The following FBRSL1 variants were observed in gnomAD, a reference collection of about 807,000 sequenced individuals.
The protein encoded by FBRSL1 is fibrosin-1-like protein.
Under a neutral mutation model 89.6 loss-of-function variants are expected in FBRSL1, and 51 were observed. The observed-to-expected ratio is 0.57, with a 90% CI of 0.45 to 0.72. The LOEUF (loss-of-function observed/expected upper bound fraction) is 0.72. FBRSL1 is among the 30% of genes least tolerant of loss of function. FBRSL1 has a pLI of 0.00. For synonymous variants in FBRSL1, 779 were observed against 681.1 expected, an observed-to-expected ratio of 1.14 and a Z score of -2.24; for missense variants, 1,618 against 1,451.8, an observed-to-expected ratio of 1.11 and a Z score of -1.86.
rs148754017 is a variant in FBRSL1, at chr12:132,548,863, C to T, written c.645+831C>T. On this transcript the variant is annotated intron_variant, in intron 5 of 18. Coordinates refer to ENST00000680143, the MANE Select transcript of FBRSL1 (RefSeq NM_001367871.1). ...GGGACGGCCCTGCAGAGGCCCGAGG[C>T]GGACTGCATGTGTGCGACGATTCTC... is the stretch of plus-strand genomic sequence containing the variant. Among the ~76,000 whole-genome samples, 275 of 152,314 alleles carry T rather than the reference C, an allele frequency of 1.8e-3. 1 individual carries two copies. Among genetic ancestry groups the T allele is most frequent in the African/African-American group, 6.1e-3 (255 of 41,576 alleles).
chr12:132,542,757 G>A (rs2037369488), intron 4 of FBRSL1, among the ~76,000 whole-genome samples: 1 of 152,260 alleles, frequency 6.6e-6, no homozygotes, highest in Non-Finnish European at 1.5e-5. Context: ...GGGACCCCTG[G>A]GAGCAGCAAC....
chr12:132,525,640 T>G, intron 2 of FBRSL1, 94 bp from the exon 3 acceptor site: 1 of 1,003,564 alleles, frequency 1.0e-6, no homozygotes, highest in Non-Finnish European at 1.5e-6. Flanking sequence ...GGTGCTGGGG[T>G]GCCGGGAGCA....
At chr12:132,582,950 G>A in intron 18 of FBRSL1, 21 bp from the exon 19 acceptor site, 1 of 1,392,362 alleles carries the variant, frequency 7.2e-7, no homozygotes, top group Non-Finnish European at 9.2e-7. Flanking sequence ...GGGAGTGACG[G>A]GTCCGCCCTG....
chr12:132,502,344 C>T (rs1165710785), intron 1 of FBRSL1, among the ~76,000 whole-genome samples: 1 of 152,236 alleles, frequency 6.6e-6, no homozygotes, highest in Admixed American at 6.5e-5. Flanking sequence ...CTGGTGCCAC[C>T]TCAGCCCTCC....
Position 132,584,064 on chromosome 12 carries a change from GA to G in FBRSL1, c.*287del, listed in dbSNP as rs1448002588. ...ATTTTTCTTAATTTTATGCTCTTTA[GA>G]CGTTTAAAAGAACCAAAAAAGAAAC... On this transcript the variant is annotated 3_prime_UTR_variant, in exon 19 of 19. Coordinates refer to ENST00000680143, the MANE Select transcript of FBRSL1 (RefSeq NM_001367871.1). 5.8e-6 allele frequency: 1 copy of G among 172,588 alleles called. No individual in the cohort carries two copies. The highest frequency in any genetic ancestry group is 1.2e-5 in the Non-Finnish European group (1 of 81,638). 10.7% of individuals were successfully genotyped at this position (172,588 alleles called of 1,614,324 possible). A position where few individuals can be genotyped will look rare whatever the true frequency, so the allele number is the denominator to read the frequency against.
In FBRSL1 at chr12:132,570,110, C is replaced by T. The variant is rs566934494; in HGVS notation, c.876C>T (p.Pro292=). Residue 292 remains proline, a synonymous_variant, in exon 7 of 19, where the codon CCC becomes CCT. Coordinates refer to ENST00000680143, the MANE Select transcript of FBRSL1 (RefSeq NM_001367871.1). ...ATCCCTTGGTGAAGAAGGAACCCCC[C>T]GCCCCGCACCGCCACACCCCGCAGC... ...RANPLVKKEP[P]APHRHTPQPP... is the part of the protein sequence containing the mutation. 1.7e-3 allele frequency: 2,552 copies of T among 1,479,002 alleles called. 8 individuals carry two copies. Among genetic ancestry groups the T allele is most frequent in the Non-Finnish European group, 2.1e-3 (2,332 of 1,122,374 alleles). The allele number at this position is 1,479,002 out of a possible 1,614,324, so 91.6% of individuals were successfully genotyped here. A position where few individuals can be genotyped will look rare whatever the true frequency, so the allele number is the denominator to read the frequency against.
chr12:132,548,040 C>CAGCG lies in FBRSL1; in HGVS notation c.645+9_645+12dup. The CAGCG allele has an allele frequency of 6.5e-7, 1 of 1,550,094 alleles. No individual in the cohort carries two copies. Among genetic ancestry groups the CAGCG allele is most frequent in the Non-Finnish European group, 8.7e-7 (1 of 1,146,638 alleles). On this transcript the variant is annotated intron_variant, in intron 5 of 18. Coordinates refer to ENST00000680143, the MANE Select transcript of FBRSL1 (RefSeq NM_001367871.1). The stretch of plus-strand genomic sequence containing the variant: ...AGCGGCCCGGACGACAAGGTAAGCC[C>CAGCG]AGCGTCCTCCTCCTGGGCTCGGCTG...
At chr12:132,572,245 T>G (rs890123184) in intron 9 of FBRSL1, 43 bp from the exon 10 acceptor site, 2 of 1,534,244 alleles carry the variant, frequency 1.3e-6, no homozygotes, top group African/African-American at 2.8e-5. Context: ...CCAGCAACGG[T>G]GTCGTGTGTG....
intron 11 of FBRSL1, among the ~76,000 whole-genome samples, chr12:132,573,364 G>A (rs1252700797): frequency 1.3e-5 from 2 of 152,194 alleles, no homozygotes; most frequent in South Asian, 2.1e-4. Context: ...CCCACATCGT[G>A]GACGGGCAGA....
rs965533569 is a variant in FBRSL1 at position 132,525,776 on chromosome 12, G to A, written c.532G>A (p.Asp178Asn). 57 of 1,549,936 alleles carry A rather than the reference G, an allele frequency of 3.7e-5. No individual in the cohort carries two copies. Among genetic ancestry groups the A allele is most frequent in the Middle Eastern group, 1.7e-4 (1 of 5,982 alleles). The stretch of plus-strand genomic sequence containing the variant: ...CAAAGGGGGCGACCGGGACAGTGAC[G>A]ACGACAGCGTCCTCGAAGCCACCAG... ...VSKGGDRDSD[D>N]DSVLEATSSR... Residue 178 changes from aspartate to asparagine, a missense_variant, in exon 3 of 19, where the codon GAC becomes AAC. By Grantham distance (23) the Asp-to-Asn change is conservative. Transcript: ENST00000680143.
rs12831275 is a variant in FBRSL1 at position 132,583,076 on chromosome 12, G to T, written c.2307G>T (p.Arg769=). The T allele has an allele frequency of 4.1e-5, 59 of 1,444,440 alleles. No homozygotes were observed. In the African/African-American group the frequency reaches 8.7e-4, roughly 21 times the overall value. 89.5% of individuals were successfully genotyped at this position (1,444,440 alleles called of 1,614,324 possible). A position where few individuals can be genotyped will look rare whatever the true frequency, so the allele number is the denominator to read the frequency against. Residue 769 remains arginine (R), a synonymous_variant, in exon 19 of 19, where the codon CGG becomes CGT. Coordinates refer to ENST00000680143, the MANE Select transcript of FBRSL1 (RefSeq NM_001367871.1). ...LLLRAQSELG[R]SGAPAEREAE... The stretch of plus-strand genomic sequence containing the variant: ...TCCGGGCCCAGAGCGAGCTGGGCCG[G>T]TCCGGGGCCCCCGCGGAGCGCGAGG...
rs1022506925 is a variant in FBRSL1, at chr12:132,584,905, T to G, written c.*1127T>G. The G allele has an allele frequency of 5.3e-5, 8 of 152,278 alleles. No individual in the cohort carries two copies. Among genetic ancestry groups the G allele is most frequent in the Admixed American group, 1.3e-4 (2 of 15,278 alleles). The allele number at this position is 152,278 out of a possible 1,614,324, so 9.4% of individuals were successfully genotyped here. On this transcript the variant is annotated 3_prime_UTR_variant, in exon 19 of 19. Coordinates refer to ENST00000680143, the MANE Select transcript of FBRSL1 (RefSeq NM_001367871.1). ...CTGAGGCATCAGCGTCACCTCGGTG[T>G]GGTCGTCGCCTCCCAGGCCCTTGGC...
intron 5 of FBRSL1, among the ~76,000 whole-genome samples, chr12:132,566,946 G>A (rs11146938): frequency 0.11 from 17,211 of 152,284 alleles, 1,108 homozygotes; most frequent in African/African-American, 0.18. Context: ...GGAGCATAGC[G>A]AGGTGCCCTG....
At chr12:132,562,100 G>T (rs932143113) in intron 5 of FBRSL1, among the ~76,000 whole-genome samples, 4 of 152,222 alleles carry the variant, frequency 2.6e-5, no homozygotes, top group African/African-American at 7.2e-5. Flanking sequence ...AGTCCTTCCT[G>T]TTTCCGATGC....
chr12:132,570,098 G>A lies in FBRSL1; in HGVS notation c.864G>A (p.Lys288=). 1.3e-6 allele frequency: 2 copies of A among 1,485,286 alleles called. No individual in the cohort carries two copies. The highest frequency in any genetic ancestry group is 1.5e-5 in the African/African-American group (1 of 68,106). 92.0% of individuals were successfully genotyped at this position (1,485,286 alleles called of 1,614,324 possible). Residue 288 remains lysine (K), a synonymous_variant, in exon 7 of 19, where the codon AAG becomes AAA. Coordinates refer to ENST00000680143, the MANE Select transcript of FBRSL1 (RefSeq NM_001367871.1). ...PPGSRANPLV[K]KEPPAPHRHT... ...GCTCCCGCGCCAATCCCTTGGTGAAGAAGGAACCCCCCGCCCCGCACCGCC... is the reference window on the plus strand; with the variant it reads ...GCTCCCGCGCCAATCCCTTGGTGAAAAAGGAACCCCCCGCCCCGCACCGCC...
At chr12:132,564,559 G>GCA (rs1555284473) in intron 5 of FBRSL1, among the ~76,000 whole-genome samples, 3 of 105,628 alleles carry the variant, frequency 2.8e-5, no homozygotes, top group South Asian at 2.9e-4. Context: ...CCAGTGGTAC[G>GCA]ATCTCAGCTC....
intron 5 of FBRSL1, chr12:132,553,346 G>C (rs2038352367): frequency 6.6e-6 from 1 of 152,274 alleles, no homozygotes; most frequent in Non-Finnish European, 1.5e-5. Context: ...GCTGAGCCCA[G>C]AAGGGCCTTG....
intron 17 of FBRSL1, 64 bp downstream of exon 17, chr12:132,581,888 T>C: frequency 7.4e-7 from 1 of 1,343,372 alleles, no homozygotes; most frequent in African/African-American, 1.5e-5. Flanking sequence ...GCCTGTGTCC[T>C]CTGCAGGAAC....
In FBRSL1 at chr12:132,570,259, G is replaced by A; in HGVS notation, c.1007+18G>A. 1.3e-6 allele frequency: 2 copies of A among 1,497,278 alleles called. No individual in the cohort carries two copies. Among genetic ancestry groups the A allele is most frequent in the Non-Finnish European group, 8.8e-7 (1 of 1,130,510 alleles). 92.7% of individuals were successfully genotyped at this position (1,497,278 alleles called of 1,614,324 possible). On this transcript the variant is annotated intron_variant, in intron 7 of 18. Coordinates refer to ENST00000680143, the MANE Select transcript of FBRSL1 (RefSeq NM_001367871.1). ...GGCCTCAGGTGGGGTCCCCGCGGGGGACGGGGCCTGTGTGGTCTCAGGATG... is the reference window on the plus strand; with the variant it reads ...GGCCTCAGGTGGGGTCCCCGCGGGGAACGGGGCCTGTGTGGTCTCAGGATG...
Sources: allele counts gnomAD v4.1 joint callset (sites outside exome capture counted in the v4.1 genomes callset), GRCh38; gene constraint gnomAD v4.1.1; transcripts MANE v1.5; gene names NCBI Gene and HGNC (gene_info 2026-07-23, HGNC 2026-07-21).